Variants in BAZ2B observed in about 807,000 individuals in gnomAD.
BAZ2B encodes the protein bromodomain adjacent to zinc finger domain 2B, also known as bromodomain adjacent to zinc finger domain protein 2B.
BAZ2B carries 91 observed loss-of-function variants against 246.0 expected under a neutral mutation model. The observed-to-expected ratio is 0.37, with a 90% CI of 0.31 to 0.44. BAZ2B has a LOEUF of 0.44. Ranked by LOEUF, BAZ2B falls within the 20% of genes least tolerant of loss-of-function variation. BAZ2B has a pLI of 1.00. For synonymous variants in BAZ2B, 855 were observed against 860.0 expected, an observed-to-expected ratio of 0.99 and a Z score of 0.10; for missense variants, 2,332 against 2,533.7, an observed-to-expected ratio of 0.92 and a Z score of 1.71.
intron 2 of BAZ2B, among the ~76,000 whole-genome samples, chr2:159,493,923 T>A (rs1331015786): frequency 6.6e-6 from 1 of 152,162 alleles, no homozygotes; most frequent in East Asian, 1.9e-4. Flanking sequence ...TATGTGTGCA[T>A]GGGTTTCCCT....
chr2:159,569,306 A>G (rs914773837), intron 1 of BAZ2B, among the ~76,000 whole-genome samples: 2 of 152,190 alleles, frequency 1.3e-5, no homozygotes, highest in African/African-American at 2.4e-5. Context: ...GAGCTATTCA[A>G]GATGAAACAA....
chr2:159,525,672 T>C (rs2084656045), intron 2 of BAZ2B, among the ~76,000 whole-genome samples: 1 of 152,150 alleles, frequency 6.6e-6, no homozygotes, highest in Non-Finnish European at 1.5e-5. Flanking sequence ...CCATTTCAGA[T>C]AAGGAATACT....
At chr2:159,353,187 C>T (rs1427564757) in intron 27 of BAZ2B, among the ~76,000 whole-genome samples, 2 of 152,078 alleles carry the variant, frequency 1.3e-5, no homozygotes, top group Non-Finnish European at 2.9e-5. Context: ...TTTGACATAG[C>T]CCTCATATCC....
rs764118405 is a variant in BAZ2B, at chr2:159,404,994, G to A, written c.2770+28C>T. The A allele has an allele frequency of 9.9e-6, 16 of 1,612,396 alleles. No homozygotes were observed. The Admixed American group carries it at 1.0e-4, about 10-fold the overall frequency. On this transcript the variant is annotated intron_variant, in intron 15 of 36. Coordinates refer to ENST00000392783, the MANE Select transcript of BAZ2B (RefSeq NM_013450.4). ...ATGAATTCCCCAGTACTGACTCTTC[G>A]AGTTTATGTTACATTTAAATCACTC...
intron 23 of BAZ2B, 40 bp downstream of exon 23, chr2:159,385,115 A>G (rs750776533): frequency 6.4e-7 from 1 of 1,558,654 alleles, no homozygotes; most frequent in African/African-American, 1.4e-5. Flanking sequence ...AGAAAAATTC[A>G]AAATGGAAAA....
Position 159,347,597 on chromosome 2 carries a change from A to G in BAZ2B, c.5343T>C (p.Asp1781=), listed in dbSNP as rs751483034. ...CTTCTACTGACCAGTTCTCCACAAT[A>G]TCTCGAGTTACTTGGTTTTCTTCAT... ...NENEENQVTR[D]IVENWSVEEQ... is the part of the protein sequence containing the mutation. The change falls in exon 31 of 37, where the codon GAT becomes GAC. Residue 1781 remains aspartate, a synonymous_variant. Transcript: ENST00000392783. 5.0e-6 allele frequency: 8 copies of G among 1,612,496 alleles called. No homozygotes were observed. The highest frequency in any genetic ancestry group is 4.2e-6 in the Non-Finnish European group (5 of 1,178,934).
intron 1 of BAZ2B, among the ~76,000 whole-genome samples, chr2:159,590,882 T>C (rs1192147220): frequency 6.6e-6 from 1 of 152,186 alleles, no homozygotes; most frequent in African/African-American, 2.4e-5. Flanking sequence ...TTAAAAGGCT[T>C]CTAACTAGCC....
At chr2:159,639,061 T>C in the BAZ2B span, among the ~76,000 whole-genome samples, 39 of 152,098 alleles carry the variant, frequency 2.6e-4, no homozygotes, top group African/African-American at 8.9e-4. Context: ...CACTTTTCAA[T>C]GGAAACTTAC....
chr2:159,467,471 G>A (rs371494301), intron 3 of BAZ2B, among the ~76,000 whole-genome samples: 1 of 152,056 alleles, frequency 6.6e-6, no homozygotes, highest in Non-Finnish European at 1.5e-5. Context: ...GCAAGGGGAG[G>A]TATTTTTCCT....
intron 36 of BAZ2B, chr2:159,321,951 A>G (rs774530453): frequency 2.6e-5 from 4 of 152,138 alleles, no homozygotes; most frequent in African/African-American, 4.8e-5. Flanking sequence ...TGAATACCCA[A>G]TTTTCCATGA....
intron 2 of BAZ2B, among the ~76,000 whole-genome samples, chr2:159,519,029 A>G (rs997249708): frequency 2.7e-4 from 41 of 152,214 alleles, no homozygotes; most frequent in Middle Eastern, 3.4e-3. Flanking sequence ...ATTTCACATA[A>G]AAGTTTCTTT....
the BAZ2B span, among the ~76,000 whole-genome samples, chr2:159,640,480 A>G: frequency 2.0e-5 from 3 of 152,168 alleles, no homozygotes; most frequent in Admixed American, 2.0e-4. Flanking sequence ...ATTCAAAAAA[A>G]AACCTGAAAT....
chr2:159,335,373 A>G (rs1367850949), intron 33 of BAZ2B, among the ~76,000 whole-genome samples: 1 of 151,818 alleles, frequency 6.6e-6, no homozygotes, highest in Non-Finnish European at 1.5e-5. Flanking sequence ...ATGGTGAAAC[A>G]CTGTCTTTAC....
At position 159,412,342 on chromosome 2, in the gene BAZ2B, T is replaced by A; in HGVS notation, c.2670A>T (p.Gln890His). The A allele has an allele frequency of 6.2e-7, 1 of 1,614,056 alleles. No individual in the cohort carries two copies. The highest frequency in any genetic ancestry group is 8.5e-7 in the Non-Finnish European group (1 of 1,179,916). The stretch of plus-strand genomic sequence containing the variant: ...ACACATTATGTTTCTTACCTTGAGC[T>A]TGCAGTTTTCTTAGCAACTTTGCAT... The part of the protein sequence containing the change: ...NADAKLLRKL[Q>H]AQEIARQAAQ... The change falls in exon 14 of 37, where the codon CAA (glutamine) becomes CAT (histidine). Residue 890 changes from glutamine to histidine, a missense_variant. Physicochemically the swap from Gln to His is conservative, Grantham distance 24 (BLOSUM62 0). Around this residue, in one of 9 missense-constraint regions of BAZ2B, gnomAD observed 651 missense variants for 650.9 expected, o/e 1.00. Transcript: ENST00000392783.
At chr2:159,323,464 T>C (rs2062997839) in intron 36 of BAZ2B, among the ~76,000 whole-genome samples, 1 of 152,088 alleles carries the variant, frequency 6.6e-6, no homozygotes, top group South Asian at 2.1e-4. Flanking sequence ...CCATGTTAGT[T>C]ATAAATTTCA....
At chr2:159,415,603 G>A (rs981484562) in intron 13 of BAZ2B, among the ~76,000 whole-genome samples, 1 of 152,102 alleles carries the variant, frequency 6.6e-6, no homozygotes, top group Non-Finnish European at 1.5e-5. Flanking sequence ...TTCTTTTTAA[G>A]AGTTAATTCC....
At chr2:159,633,267 G>A in the BAZ2B span, among the ~76,000 whole-genome samples, 1 of 151,706 alleles carries the variant, frequency 6.6e-6, no homozygotes, top group African/African-American at 2.4e-5. Flanking sequence ...AGAATGCACA[G>A]TCCAACTGAG....
intron 1 of BAZ2B, among the ~76,000 whole-genome samples, chr2:159,596,725 T>C (rs1248075176): frequency 6.6e-6 from 1 of 152,220 alleles, no homozygotes; most frequent in African/African-American, 2.4e-5. Context: ...TGTGTCATTC[T>C]TATGCCTTTG....
At chr2:159,687,678 C>G in the BAZ2B span, among the ~76,000 whole-genome samples, 1 of 152,112 alleles carries the variant, frequency 6.6e-6, no homozygotes, top group African/African-American at 2.4e-5. Flanking sequence ...AAAGTGTGTC[C>G]CTGAGTTCTG....
Sources: allele counts gnomAD v4.1 joint callset (sites outside exome capture counted in the v4.1 genomes callset), GRCh38; gene constraint gnomAD v4.1.1; regional missense constraint gnomAD v4.1.1; transcripts MANE v1.5; gene names NCBI Gene and HGNC (gene_info 2026-07-23, HGNC 2026-07-21).